Variants in MLLT10 observed in about 807,000 individuals in gnomAD.
MLLT10 encodes MLLT10 histone lysine methyltransferase DOT1L cofactor.
In MLLT10, 30 loss-of-function variants were observed where a neutral mutation model predicts 129.1. The ratio of observed to expected loss-of-function variants is 0.23; its 90% CI spans 0.17 to 0.32. The LOEUF (loss-of-function observed/expected upper bound fraction) is 0.32. Among genes scored for constraint, MLLT10 ranks in the 10% least tolerant of loss-of-function variants. MLLT10 has a pLI of 1.00. For missense variants in MLLT10, 1,119 were observed against 1,268.3 expected (o/e 0.88, Z 1.79); for synonymous variants, 490 against 446.4 (o/e 1.10, Z -1.23).
intron 8 of MLLT10, among the ~76,000 whole-genome samples, chr10:21,645,905 G>A (rs1383144339): frequency 6.6e-6 from 1 of 152,112 alleles, no homozygotes; most frequent in African/African-American, 2.4e-5. Flanking sequence ...CTAAACTTAA[G>A]TTAAAAACTC....
At chr10:21,606,770 A>T (rs2044108997) in intron 5 of MLLT10, among the ~76,000 whole-genome samples, 1 of 152,226 alleles carries the variant, frequency 6.6e-6, no homozygotes, top group South Asian at 2.1e-4. Flanking sequence ...TCCTCTGAAG[A>T]TGGTGTAAAC....
chr10:21,673,889 C>G lies in MLLT10; in HGVS notation c.1591C>G (p.Leu531Val). 6.2e-7 allele frequency: 1 copy of G among 1,608,892 alleles called. No homozygotes were observed. Among genetic ancestry groups the G allele is most frequent in the Non-Finnish European group, 8.5e-7 (1 of 1,177,716 alleles). ...TLLRNGSLQS[L>V]SVGSSPVGSE... is the part of the protein sequence containing the mutation. The stretch of plus-strand genomic sequence containing the variant: ...GCTCAGGAATGGAAGTTTACAGAGC[C>G]TCAGTGTTGGCTCATCTCCAGTTGG... Residue 531 changes from leucine (L) to valine (V), a missense_variant, in exon 11 of 23, where the codon CTC (leucine) becomes GTC (valine). Leu to Val is a conservative substitution (Grantham distance 32). Around this residue, in one of 5 missense-constraint regions of MLLT10, gnomAD observed 1,004 missense variants for 1,008.7 expected, o/e 1.00. Transcript: ENST00000307729.
intron 13 of MLLT10, among the ~76,000 whole-genome samples, chr10:21,712,876 C>T (rs531387045): frequency 1.3e-5 from 2 of 152,352 alleles, no homozygotes; most frequent in Non-Finnish European, 2.9e-5. Flanking sequence ...GAAAGCCTCT[C>T]CTTCTCTATG....
chr10:21,591,355 A>G (rs1589123540), intron 4 of MLLT10, among the ~76,000 whole-genome samples: 2 of 152,094 alleles, frequency 1.3e-5, no homozygotes, highest in South Asian at 4.1e-4. Flanking sequence ...TAAATTTCAT[A>G]TTTGTTGCCA....
intron 13 of MLLT10, chr10:21,688,393 C>A: frequency 1.0e-6 from 1 of 980,530 alleles, no homozygotes; most frequent in Non-Finnish European, 1.6e-6. Flanking sequence ...CCACACTGCA[C>A]CCCATCATAA....
At chr10:21,691,038 T>C (rs1017989239) in intron 13 of MLLT10, among the ~76,000 whole-genome samples, 3 of 152,206 alleles carry the variant, frequency 2.0e-5, no homozygotes, top group African/African-American at 7.2e-5. Flanking sequence ...GCTTATCTTA[T>C]TCTTCCTTAC....
intron 8 of MLLT10, among the ~76,000 whole-genome samples, chr10:21,630,976 C>G (rs115778621): frequency 0.028 from 4,321 of 152,192 alleles, 204 homozygotes; most frequent in African/African-American, 0.097. Flanking sequence ...TACTGTGGTT[C>G]AAGGTCTTAC....
rs201495771 is a variant in MLLT10 at position 21,726,335 on chromosome 10, A to G, written c.1970A>G (p.Gln657Arg). The G allele has an allele frequency of 7.1e-5, 114 of 1,611,210 alleles. No homozygotes were observed. The East Asian group carries it at 2.5e-3, about 36-fold the overall frequency. ...TCATCAATGGCAGCTCTTATAGCTC[A>G]GTCTGAAAACAATCAAACAGGTAAG... ...SNSSMAALIA[Q>R]SENNQTDQDL... Residue 657 changes from glutamine to arginine, a missense_variant, in exon 15 of 23, where the codon CAG becomes CGG. Physicochemically the swap from Gln to Arg is conservative, Grantham distance 43. Coordinates refer to ENST00000307729, the MANE Select transcript of MLLT10 (RefSeq NM_001195626.3).
intron 3 of MLLT10, among the ~76,000 whole-genome samples, chr10:21,560,703 C>T (rs1485875535): frequency 2.0e-5 from 3 of 152,128 alleles, no homozygotes; most frequent in African/African-American, 4.8e-5. Context: ...CTGCCTGAGC[C>T]TCCCCAAAGT....
At chr10:21,543,185 A>G (rs1183355894) in intron 3 of MLLT10, among the ~76,000 whole-genome samples, 3 of 152,054 alleles carry the variant, frequency 2.0e-5, no homozygotes, top group Non-Finnish European at 2.9e-5. Context: ...CAATGGCACA[A>G]TCTTGGCTCA....
chr10:21,632,024 G>C (rs1450224612), intron 8 of MLLT10, among the ~76,000 whole-genome samples: 2 of 148,330 alleles, frequency 1.3e-5, no homozygotes, highest in Admixed American at 6.8e-5. Context: ...TCAATCCTCT[G>C]TTCTGTTCCA....
intron 9 of MLLT10, among the ~76,000 whole-genome samples, chr10:21,668,169 A>C (rs1270559329): frequency 1.3e-5 from 2 of 152,150 alleles, no homozygotes; most frequent in African/African-American, 4.8e-5. Context: ...ATTATATACA[A>C]GAATTACACT....
chr10:21,729,503 T>C (rs1005416983), intron 16 of MLLT10, among the ~76,000 whole-genome samples: 2 of 152,238 alleles, frequency 1.3e-5, no homozygotes, highest in Non-Finnish European at 2.9e-5. Context: ...ATGTGGCCCA[T>C]AATGTTTACA....
chr10:21,735,330 T>C, intron 21 of MLLT10, 95 bp downstream of exon 21: 1 of 1,066,834 alleles, frequency 9.4e-7, no homozygotes, highest in Non-Finnish European at 1.4e-6. Context: ...TGAAATAACA[T>C]TATTGAATGC....
intron 13 of MLLT10, among the ~76,000 whole-genome samples, chr10:21,689,553 A>G (rs1564651467): frequency 9.6e-6 from 1 of 104,676 alleles, no homozygotes; most frequent in Non-Finnish European, 1.9e-5. Flanking sequence ...AGTAATATAT[A>G]TATATATATA....
intron 8 of MLLT10, among the ~76,000 whole-genome samples, chr10:21,631,313 C>CAAAAAAAAAAAAAAAAAAAAAAAAAAAA: frequency 2.1e-5 from 1 of 47,776 alleles, no homozygotes; most frequent in Non-Finnish European, 4.5e-5. Flanking sequence ...GACTCCGTCT[C>CAAAAAAAAAAAAAAAAAAAAAAAAAAAA]AAAAAAAAAA....
rs537056073 is a variant in MLLT10, at chr10:21,682,205, C to A, written c.1667-20C>A. The A allele has an allele frequency of 5.0e-6, 8 of 1,604,492 alleles. No individual in the cohort carries two copies. The South Asian group carries it at 8.9e-5, about 18-fold the overall frequency. On this transcript the variant is annotated intron_variant, in intron 12 of 22. Coordinates refer to ENST00000307729, the MANE Select transcript of MLLT10 (RefSeq NM_001195626.3). The stretch of plus-strand genomic sequence containing the variant: ...TTGAGAATGATCTTAACCTGAAGTC[C>A]TTTTTTCCTTACTTAAAAGCGTTCT...
At chr10:21,552,592 G>A (rs1364586350) in intron 3 of MLLT10, among the ~76,000 whole-genome samples, 2 of 149,942 alleles carry the variant, frequency 1.3e-5, no homozygotes, top group East Asian at 2.0e-4. Flanking sequence ...GGGCTTTACC[G>A]TGTTGGCCAG....
At chr10:21,637,324 G>A (rs1406850904) in intron 8 of MLLT10, among the ~76,000 whole-genome samples, 3 of 152,162 alleles carry the variant, frequency 2.0e-5, no homozygotes, top group Non-Finnish European at 1.5e-5. Context: ...TAAAGGAAAA[G>A]CAGAACGTTG....
Sources: gnomAD v4.1 joint callset for allele counts (sites outside exome capture counted in the v4.1 genomes callset) on GRCh38, gnomAD v4.1.1 for gene constraint, gnomAD v4.1.1 regional missense constraint, MANE v1.5 for transcripts, NCBI Gene and HGNC (gene_info 2026-07-23, HGNC 2026-07-21) for gene names.